CRYBG3: variants seen among roughly 807,000 people sequenced by gnomAD.
CRYBG3 encodes crystallin beta-gamma domain containing 3.
In CRYBG3, 127 loss-of-function variants were observed where a neutral mutation model predicts 244.2. That is an observed-to-expected ratio of 0.52 (90% CI 0.45 to 0.60). The LOEUF (loss-of-function observed/expected upper bound fraction) is 0.60. Ranked by LOEUF, CRYBG3 falls within the 20% of genes least tolerant of loss-of-function variation. CRYBG3 has a pLI of 0.00. For missense variants in CRYBG3, 3,325 were observed against 3,442.5 expected, an observed-to-expected ratio of 0.97 and a Z score of 0.85; for synonymous variants, 1,132 against 1,195.8, an observed-to-expected ratio of 0.95 and a Z score of 1.10.
chr3:97,877,340 T>C lies in CRYBG3; in HGVS notation c.6146T>C (p.Val2049Ala). 1 of 1,614,072 alleles carries C rather than the reference T, an allele frequency of 6.2e-7. No homozygotes were observed. Among genetic ancestry groups the C allele is most frequent in the Non-Finnish European group, 8.5e-7 (1 of 1,179,934 alleles). ...CERSESRTDLVHHFEKGTKLG... is the reference protein window; with the variant it reads ...CERSESRTDLAHHFEKGTKLG... The stretch of plus-strand genomic sequence containing the variant: ...AGGTCTGAGAGTAGAACTGACCTTG[T>C]CCATCACTTTGAAAAAGGTACTAAA... Residue 2049 changes from valine (V) to alanine (A), a missense_variant, in exon 4 of 22, where the codon GTC becomes GCC. By Grantham distance (64) the Val-to-Ala change is moderately conservative. This residue lies in a region of CRYBG3 where 450 missense variants were observed against 424.1 expected (regional missense o/e 1.06). Transcript: ENST00000389622.
At position 97,877,907 on chromosome 3, in the gene CRYBG3, A is replaced by G. The variant is rs775764188; in HGVS notation, c.6713A>G (p.His2238Arg). The stretch of plus-strand genomic sequence containing the variant: ...CATTCTTCTTTAAAGAGTGCTTATC[A>G]TCAGTATCTGCAGACTTCCCAAAGT... ...KLHSSLKSAY[H>R]QYLQTSQSHS... is the part of the protein sequence containing the mutation. Residue 2238 changes from histidine (H) to arginine (R), a missense_variant, in exon 4 of 22, where the codon CAT (histidine) becomes CGT (arginine). Transcript: ENST00000389622. 1 of 1,614,008 alleles carries G rather than the reference A, an allele frequency of 6.2e-7. No homozygotes were observed. Among genetic ancestry groups the G allele is most frequent in the African/African-American group, 1.3e-5 (1 of 74,904 alleles).
At chr3:97,895,440 C>T (rs1340538236) in intron 11 of CRYBG3, among the ~76,000 whole-genome samples, 2 of 152,168 alleles carry the variant, frequency 1.3e-5, no homozygotes, top group South Asian at 2.1e-4. Context: ...AGTCGAATTT[C>T]TTGGTTCCTC....
At chr3:97,847,409 A>T (rs1258669158) in intron 2 of CRYBG3, among the ~76,000 whole-genome samples, 1 of 152,238 alleles carries the variant, frequency 6.6e-6, no homozygotes, top group Non-Finnish European at 1.5e-5. Flanking sequence ...TAGTTGAAAA[A>T]AGCAAATCTC....
At chr3:97,853,378 G>A (rs1420742534) in intron 2 of CRYBG3, among the ~76,000 whole-genome samples, 1 of 145,698 alleles carries the variant, frequency 6.9e-6, no homozygotes, top group Admixed American at 7.1e-5. Context: ...CACAGTATAT[G>A]TACACACAGA....
intron 1 of CRYBG3, among the ~76,000 whole-genome samples, chr3:97,824,212 A>G (rs2038549011): frequency 6.6e-6 from 1 of 152,190 alleles, no homozygotes; most frequent in Admixed American, 6.5e-5. Flanking sequence ...ATAGTACTGA[A>G]TGTCCCAGTA....
chr3:97,897,040 G>A (rs1473648892), intron 12 of CRYBG3, among the ~76,000 whole-genome samples: 1 of 151,958 alleles, frequency 6.6e-6, no homozygotes, highest in African/African-American at 2.4e-5. Flanking sequence ...CAGGGACTAG[G>A]GAATTTTTAT....
intron 7 of CRYBG3, among the ~76,000 whole-genome samples, chr3:97,882,113 G>A (rs971575589): frequency 2.6e-5 from 4 of 152,000 alleles, no homozygotes; most frequent in African/African-American, 9.7e-5. Flanking sequence ...GGAGGCTGAG[G>A]CAGGAGAATC....
intron 1 of CRYBG3, among the ~76,000 whole-genome samples, chr3:97,831,962 T>G (rs1202406186): frequency 6.6e-6 from 1 of 152,094 alleles, no homozygotes; most frequent in Non-Finnish European, 1.5e-5. Context: ...ACCTATATGC[T>G]TTTGCTAGAA....
intron 10 of CRYBG3, among the ~76,000 whole-genome samples, chr3:97,890,001 G>T (rs1274333853): frequency 6.6e-6 from 1 of 152,112 alleles, no homozygotes; most frequent in East Asian, 1.9e-4. Flanking sequence ...TTGTAATTAG[G>T]TTACAGCACC....
chr3:97,927,940 GT>G (rs1221597478), intron 17 of CRYBG3, among the ~76,000 whole-genome samples: 1 of 151,962 alleles, frequency 6.6e-6, no homozygotes, highest in Admixed American at 6.6e-5. Context: ...AAAAGGGAAT[GT>G]TTACACTGGT....
At chr3:97,827,486 G>T (rs1221083131) in intron 1 of CRYBG3, among the ~76,000 whole-genome samples, 2 of 152,180 alleles carry the variant, frequency 1.3e-5, no homozygotes, top group Non-Finnish European at 2.9e-5. Flanking sequence ...CAGCAGGACT[G>T]TCCCTGAATG....
intron 15 of CRYBG3, among the ~76,000 whole-genome samples, chr3:97,905,500 A>G (rs1225533504): frequency 6.6e-6 from 1 of 151,994 alleles, no homozygotes; most frequent in African/African-American, 2.4e-5. Flanking sequence ...GCCAGTGATG[A>G]TGAGCATTTT....
intron 17 of CRYBG3, among the ~76,000 whole-genome samples, chr3:97,929,638 C>G (rs1315293179): frequency 3.3e-5 from 5 of 151,826 alleles, no homozygotes; most frequent in African/African-American, 9.7e-5. Flanking sequence ...ATAATGATAT[C>G]CTTTTGTTGT....
At chr3:97,915,550 A>G (rs1411465849) in intron 16 of CRYBG3, 60 bp from the exon 17 acceptor site, 1 of 1,535,040 alleles carries the variant, frequency 6.5e-7, no homozygotes, top group Non-Finnish European at 8.9e-7. Flanking sequence ...CAGCATGATA[A>G]TGAGCCTATA....
chr3:97,940,215 C>T (rs957752192), intron 19 of CRYBG3, among the ~76,000 whole-genome samples: 5 of 151,896 alleles, frequency 3.3e-5, no homozygotes, highest in Non-Finnish European at 7.4e-5. Flanking sequence ...CATTATGTGC[C>T]CTGCTCTTTC....
intron 15 of CRYBG3, among the ~76,000 whole-genome samples, chr3:97,902,407 T>G (rs1220237880): frequency 1.3e-5 from 2 of 152,170 alleles, no homozygotes; most frequent in Non-Finnish European, 2.9e-5. Context: ...TGGTGGAACA[T>G]CACTTTTTAT....
chr3:97,887,218 G>A (rs889123372), intron 8 of CRYBG3, among the ~76,000 whole-genome samples: 7 of 152,076 alleles, frequency 4.6e-5, no homozygotes, highest in African/African-American at 1.2e-4. Flanking sequence ...GCTACTAGCC[G>A]GTAAGCATGG....
chr3:97,920,255 A>T (rs2108256452), intron 17 of CRYBG3, among the ~76,000 whole-genome samples: 1 of 152,160 alleles, frequency 6.6e-6, no homozygotes, highest in South Asian at 2.1e-4. Flanking sequence ...GTGTTATCTT[A>T]CTCTTGGTCT....
intron 17 of CRYBG3, among the ~76,000 whole-genome samples, chr3:97,916,961 A>G (rs2039935674): frequency 6.6e-6 from 1 of 152,174 alleles, no homozygotes. Context: ...AAGGTAGTCC[A>G]TGTTTACTGG....
Sources: allele counts gnomAD v4.1 joint callset (sites outside exome capture counted in the v4.1 genomes callset), GRCh38; gene constraint gnomAD v4.1.1; regional missense constraint gnomAD v4.1.1; transcripts MANE v1.5; gene names NCBI Gene and HGNC (gene_info 2026-07-23, HGNC 2026-07-21).